The following TASP1 variants were observed in gnomAD, a reference collection of about 807,000 sequenced individuals.
TASP1 encodes the protein threonine aspartase 1.
A neutral mutation model predicts 56.6 loss-of-function variants in TASP1; 16 were observed. The observed-to-expected ratio is 0.28, with a 90% CI of 0.19 to 0.43. The LOEUF (loss-of-function observed/expected upper bound fraction) is 0.43, where lower values mean the gene tolerates loss of function less well. TASP1 is among the 20% of genes least tolerant of loss of function. TASP1 has a pLI of 1.00. For missense variants in TASP1, 393 were observed against 511.6 expected (o/e 0.77, Z 2.24); for synonymous variants, 179 against 184.2 (o/e 0.97, Z 0.23).
At chr20:13,249,882 C>T in the TASP1 span, among the ~76,000 whole-genome samples, 16,347 of 152,112 alleles carry the variant, frequency 0.11, 1,043 homozygotes, top group African/African-American at 0.16. Flanking sequence ...CCTTTCTGCA[C>T]TCTCTTTTCC....
At chr20:13,268,155 C>CTTCTCTTCT in the TASP1 span, among the ~76,000 whole-genome samples, 83 of 69,080 alleles carry the variant, frequency 1.2e-3, no homozygotes, top group African/African-American at 4.3e-3. Context: ...TCTTCTCTTC[C>CTTCTCTTCT]CTTCCCTTCT....
chr20:13,110,167 A>C, the TASP1 span: 2 of 1,613,744 alleles, frequency 1.2e-6, no homozygotes, highest in Non-Finnish European at 1.7e-6. Flanking sequence ...GCCAGCCTCG[A>C]ACCCGCAGAG....
At chr20:13,271,469 A>AT in the TASP1 span, among the ~76,000 whole-genome samples, 9 of 152,184 alleles carry the variant, frequency 5.9e-5, no homozygotes, top group South Asian at 6.2e-4. Context: ...TGTTGATCGG[A>AT]TTTGACCCTC....
the TASP1 span, chr20:13,292,498 C>T: frequency 1.5e-6 from 2 of 1,301,304 alleles, no homozygotes; most frequent in Non-Finnish European, 1.1e-6. Context: ...CAAATATTGA[C>T]TTAGTGCCTC....
the TASP1 span, among the ~76,000 whole-genome samples, chr20:13,360,772 A>T: frequency 6.6e-6 from 1 of 152,062 alleles, no homozygotes; most frequent in Non-Finnish European, 1.5e-5. Flanking sequence ...AGTCTCCCAC[A>T]ACTACCACTG....
chr20:13,542,886 A>G (rs182889355), intron 8 of TASP1, among the ~76,000 whole-genome samples: 22 of 152,132 alleles, frequency 1.4e-4, no homozygotes, highest in Non-Finnish European at 2.6e-4. Context: ...AAAAATTAAT[A>G]AGCTAACTAT....
In TASP1 at chr20:13,607,773, C is replaced by T. The variant is rs139548759; in HGVS notation, c.282+15673G>A. Among the ~76,000 whole-genome samples, 567 of 152,260 alleles carry T rather than the reference C, an allele frequency of 3.7e-3. 3 individuals are homozygous for T. Among genetic ancestry groups the T allele is most frequent in the East Asian group, 0.012 (61 of 5,182 alleles). On this transcript the variant is annotated intron_variant, in intron 4 of 13. Transcript: ENST00000337743. ...TCATTTTAATTGAGTTTGTGACCAGCCCGGCCAACATGATGAAATGCCATT... is the reference window on the plus strand; with the variant it reads ...TCATTTTAATTGAGTTTGTGACCAGTCCGGCCAACATGATGAAATGCCATT...
chr20:13,296,046 CT>C, the TASP1 span, among the ~76,000 whole-genome samples: 1 of 152,178 alleles, frequency 6.6e-6, no homozygotes. Context: ...TTGGACACCC[CT>C]GGGGCTTTTT....
chr20:13,233,836 C>T, the TASP1 span, among the ~76,000 whole-genome samples: 1 of 152,162 alleles, frequency 6.6e-6, no homozygotes, highest in Non-Finnish European at 1.5e-5. Context: ...ACAAGAAGCT[C>T]AGAATGGCTT....
chr20:13,591,528 C>A (rs900240418), intron 4 of TASP1, among the ~76,000 whole-genome samples: 2 of 152,042 alleles, frequency 1.3e-5, no homozygotes, highest in African/African-American at 2.4e-5. Context: ...TCTTCAGACA[C>A]ATAAAAATTG....
the TASP1 span, among the ~76,000 whole-genome samples, chr20:13,311,727 T>TA: frequency 3.9e-5 from 6 of 152,078 alleles, no homozygotes; most frequent in East Asian, 1.9e-4. Context: ...ATGTGGAATC[T>TA]AAAAAAATCA....
the TASP1 span, chr20:13,110,340 A>G: frequency 1.3e-6 from 1 of 771,934 alleles, no homozygotes. Flanking sequence ...TGACACAGGG[A>G]CCTGAGACAG....
chr20:13,522,006 T>G (rs1225366149), intron 10 of TASP1, among the ~76,000 whole-genome samples: 1 of 152,078 alleles, frequency 6.6e-6, no homozygotes, highest in Non-Finnish European at 1.5e-5. Context: ...GAGTGGGGGC[T>G]TGAGACACTG....
chr20:13,611,084 T>C (rs1289263860), intron 4 of TASP1, among the ~76,000 whole-genome samples: 2 of 152,200 alleles, frequency 1.3e-5, no homozygotes, highest in Non-Finnish European at 2.9e-5. Context: ...TAAATAGACA[T>C]AGAAACCTTT....
the TASP1 span, among the ~76,000 whole-genome samples, chr20:13,125,366 G>A: frequency 3.2e-4 from 49 of 152,150 alleles, no homozygotes; most frequent in Non-Finnish European, 5.4e-4. Flanking sequence ...GCTGCCAAAG[G>A]CATAACCAGA....
At chr20:13,535,729 C>T (rs1235265995) in intron 8 of TASP1, among the ~76,000 whole-genome samples, 1 of 152,166 alleles carries the variant, frequency 6.6e-6, no homozygotes, top group Admixed American at 6.6e-5. Flanking sequence ...ATGTCTGTAT[C>T]CCTGGTGGTA....
At chr20:13,207,779 T>G in the TASP1 span, among the ~76,000 whole-genome samples, 1 of 152,270 alleles carries the variant, frequency 6.6e-6, no homozygotes, top group Admixed American at 6.5e-5. Context: ...AGAAACACCC[T>G]CACAGACACA....
chr20:13,175,048 C>T, the TASP1 span, among the ~76,000 whole-genome samples: 3 of 152,138 alleles, frequency 2.0e-5, no homozygotes, highest in African/African-American at 7.2e-5. Context: ...GATTATAAGG[C>T]CTCCCCAGTC....
intron 13 of TASP1, among the ~76,000 whole-genome samples, chr20:13,410,764 C>T (rs986325509): frequency 2.0e-5 from 3 of 151,998 alleles, no homozygotes; most frequent in Non-Finnish European, 2.9e-5. Flanking sequence ...TATTTTCTCC[C>T]ATTCAACTGG....
Sources: gnomAD v4.1 joint callset for allele counts (sites outside exome capture counted in the v4.1 genomes callset) on GRCh38, gnomAD v4.1.1 for gene constraint, MANE v1.5 for transcripts, NCBI Gene and HGNC (gene_info 2026-07-23, HGNC 2026-07-21) for gene names.